Variants in INSL6 observed in about 807,000 individuals in gnomAD.
INSL6 encodes the protein insulin like 6.
Under a neutral mutation model 9.4 loss-of-function variants are expected in INSL6, and 16 were observed. The ratio of observed to expected loss-of-function variants is 1.70; its 90% CI spans 1.15 to 2.59. The LOEUF is 2.59. Ranked by LOEUF, INSL6 falls within the 30% of genes most tolerant of loss-of-function variation. The pLI is 0.00. For missense variants in INSL6, 391 were observed against 257.3 expected (o/e 1.52, Z -3.56); for synonymous variants, 154 against 96.9 (o/e 1.59, Z -3.46).
intron 3 of INSL6, chr9:5,126,776 T>C (rs755743070): frequency 2.5e-6 from 4 of 1,604,608 alleles, no homozygotes; most frequent in Non-Finnish European, 3.4e-6. Context: ...AAATAAGGGA[T>C]AACATGGCTG....
At chr9:5,146,482 G>C (rs1824604077) in intron 2 of INSL6, among the ~76,000 whole-genome samples, 1 of 152,196 alleles carries the variant, frequency 6.6e-6, no homozygotes, top group East Asian at 1.9e-4. Context: ...TGTTGGTTTG[G>C]GGTGGGGTGC....
At chr9:5,126,040 T>A (rs753284534) in intron 3 of INSL6, 2 of 218,978 alleles carry the variant, frequency 9.1e-6, no homozygotes, top group African/African-American at 2.3e-5. Flanking sequence ...GATAAAAATA[T>A]GAGTTTTTTA....
At chr9:5,021,287 T>A in the INSL6 span, among the ~76,000 whole-genome samples, 1 of 152,218 alleles carries the variant, frequency 6.6e-6, no homozygotes, top group Admixed American at 6.5e-5. Context: ...TTGGTTCTTC[T>A]TTGTGGAGCA....
the INSL6 span, among the ~76,000 whole-genome samples, chr9:5,063,378 C>T: frequency 6.6e-6 from 1 of 152,202 alleles, no homozygotes; most frequent in Non-Finnish European, 1.5e-5. Context: ...AGAAGTACCT[C>T]TTCGATCACA....
intron 1 of INSL6, among the ~76,000 whole-genome samples, chr9:5,165,752 A>T (rs1325774413): frequency 6.6e-6 from 1 of 152,230 alleles, no homozygotes. Flanking sequence ...TAACTCACTT[A>T]GCAATACTGG....
chr9:5,087,474 A>AGTTCTTTTACT, the INSL6 span, among the ~76,000 whole-genome samples: 2 of 151,658 alleles, frequency 1.3e-5, no homozygotes, highest in South Asian at 4.2e-4. Flanking sequence ...AAACCATATC[A>AGTTCTTTTACT]CTCCCTTACT....
the INSL6 span, among the ~76,000 whole-genome samples, chr9:5,026,637 C>A: frequency 6.6e-6 from 1 of 152,108 alleles, no homozygotes; most frequent in Admixed American, 6.6e-5. Flanking sequence ...GGTTAGAGAA[C>A]ATGGTATGAA....
chr9:5,017,605 G>A, the INSL6 span, among the ~76,000 whole-genome samples: 8 of 152,188 alleles, frequency 5.3e-5, no homozygotes, highest in African/African-American at 1.9e-4. Flanking sequence ...CCTTTTTGAT[G>A]TAGGTATTTA....
the INSL6 span, among the ~76,000 whole-genome samples, chr9:5,116,089 T>C: frequency 3.3e-5 from 5 of 152,304 alleles, no homozygotes; most frequent in South Asian, 1.0e-3. Context: ...GAACATTTAT[T>C]GTAGGCTTAC....
At chr9:5,059,745 G>A in the INSL6 span, among the ~76,000 whole-genome samples, 1 of 152,142 alleles carries the variant, frequency 6.6e-6, no homozygotes, top group Non-Finnish European at 1.5e-5. Context: ...AGTTTGTCTG[G>A]TGGATGTGTA....
chr9:4,991,996 C>T, the INSL6 span, among the ~76,000 whole-genome samples: 8 of 152,260 alleles, frequency 5.3e-5, no homozygotes, highest in Non-Finnish European at 1.0e-4. Flanking sequence ...AAAACAACTA[C>T]TTTATTAGGC....
intron 2 of INSL6, among the ~76,000 whole-genome samples, chr9:5,136,773 C>A (rs1362790919): frequency 1.3e-5 from 2 of 151,990 alleles, no homozygotes; most frequent in Non-Finnish European, 2.9e-5. Context: ...CTGGCCAGGG[C>A]AATCAGGCAA....
At chr9:5,085,853 C>T in the INSL6 span, 2 of 771,042 alleles carry the variant, frequency 2.6e-6, no homozygotes, top group Non-Finnish European at 4.8e-6. Flanking sequence ...CAAAGTAGTA[C>T]TCAGAGATTT....
At chr9:5,176,291 CTGTT>C (rs1212512742) in intron 1 of INSL6, among the ~76,000 whole-genome samples, 1 of 152,204 alleles carries the variant, frequency 6.6e-6, no homozygotes, top group Non-Finnish European at 1.5e-5. Context: ...CCTTACCACA[CTGTT>C]TAATACTATA....
the INSL6 span, among the ~76,000 whole-genome samples, chr9:5,082,958 A>G: frequency 6.6e-6 from 1 of 152,244 alleles, no homozygotes; most frequent in Non-Finnish European, 1.5e-5. Flanking sequence ...CCTTTTCTAC[A>G]TAGACACAGT....
chr9:5,077,440 T>C, the INSL6 span: 2 of 982,272 alleles, frequency 2.0e-6, no homozygotes, highest in Non-Finnish European at 2.8e-6. Context: ...TTATTACTTA[T>C]ATTTTAATGC....
chr9:5,150,722 C>G (rs1824693746), intron 2 of INSL6, among the ~76,000 whole-genome samples: 1 of 152,108 alleles, frequency 6.6e-6, no homozygotes, highest in East Asian at 1.9e-4. Flanking sequence ...TACTGCATGT[C>G]TACCTAAAGG....
At chr9:5,145,756 G>C (rs1214599039) in intron 2 of INSL6, among the ~76,000 whole-genome samples, 1 of 152,044 alleles carries the variant, frequency 6.6e-6, no homozygotes, top group East Asian at 1.9e-4. Context: ...TTAATACTTG[G>C]GATTGCATTA....
rs536627438 is a variant in INSL6, at chr9:5,147,816, C to T, written c.377-14224G>A. 5.3e-5 allele frequency among the ~76,000 whole-genome samples: 8 copies of T among 152,232 alleles called. No homozygotes were observed. In the East Asian group the frequency reaches 9.6e-4, roughly 18 times the overall value. On this transcript the variant is annotated intron_variant, in intron 2 of 3. Coordinates refer to the INSL6 transcript ENST00000649639. Reference sequence around the variant, plus strand: ...TCTCTGAGCTCTGAGATTCTTTCCTCGGGTTGGTGTGTTCTTCCATTAATA... The same window carrying T: ...TCTCTGAGCTCTGAGATTCTTTCCTTGGGTTGGTGTGTTCTTCCATTAATA...
Sources: allele counts gnomAD v4.1 joint callset (sites outside exome capture counted in the v4.1 genomes callset), GRCh38; gene constraint gnomAD v4.1.1; transcripts MANE v1.5; gene names NCBI Gene and HGNC (gene_info 2026-07-23, HGNC 2026-07-21).